MAG: variants seen among roughly 807,000 people sequenced by gnomAD.
MAG encodes myelin associated glycoprotein, also known as myelin-associated glycoprotein.
In MAG, 30 loss-of-function variants were observed where a neutral mutation model predicts 60.7. The observed-to-expected ratio is 0.49, with a 90% CI of 0.37 to 0.67. The LOEUF (loss-of-function observed/expected upper bound fraction) is 0.67, where lower values mean the gene tolerates loss of function less well. MAG is among the 30% of genes least tolerant of loss of function. The pLI, the probability that MAG is intolerant of heterozygous loss-of-function variation, is 0.00. For synonymous variants in MAG, 384 were observed against 376.8 expected, an observed-to-expected ratio of 1.02 and a Z score of -0.22; for missense variants, 795 against 851.7, an observed-to-expected ratio of 0.93 and a Z score of 0.83.
chr19:35,297,350 A>G (rs1445699319), intron 4 of MAG, among the ~76,000 whole-genome samples: 1 of 132,340 alleles, frequency 7.6e-6, no homozygotes, highest in African/African-American at 2.9e-5. Flanking sequence ...ACACTACAAA[A>G]ACCACACACC....
chr19:35,300,008 G>C, intron 5 of MAG, 139 bp from the exon 6 acceptor site: 1 of 1,224,218 alleles, frequency 8.2e-7, no homozygotes, highest in Non-Finnish European at 1.1e-6. Context: ...TGGGACGGGG[G>C]CGGAACCAGG....
chr19:35,302,811 G>A, intron 7 of MAG, 103 bp downstream of exon 7: 1 of 1,406,076 alleles, frequency 7.1e-7, no homozygotes, highest in South Asian at 1.3e-5. Flanking sequence ...GGCTTTGCCT[G>A]TCCTCCGCAG....
chr19:35,304,307 CT>C (rs2066468990), intron 7 of MAG, among the ~76,000 whole-genome samples: 1 of 152,094 alleles, frequency 6.6e-6, no homozygotes, highest in African/African-American at 2.4e-5. Context: ...TGGTTGTCCC[CT>C]GATCCCTGTT....
At position 35,309,868 on chromosome 19, in the gene MAG, C is replaced by G. The variant is rs747473826; in HGVS notation, c.1232-6C>G. ...GCCACCCTCAGACCTGATTTTGCCC[C>G]TGCAGTCGCCCCTGTGCTCCTCCTG... On this transcript the variant is annotated splice_polypyrimidine_tract_variant and splice_region_variant and intron_variant, in intron 7 of 10. Transcript: ENST00000392213. 1 of 1,603,836 alleles carries G rather than the reference C, an allele frequency of 6.2e-7. No homozygotes were observed. Among genetic ancestry groups the G allele is most frequent in the African/African-American group, 1.3e-5 (1 of 74,828 alleles).
chr19:35,313,479 C>A lies in MAG; in HGVS notation c.*25C>A. 6.3e-7 allele frequency: 1 copy of A among 1,596,522 alleles called. No individual in the cohort carries two copies. The highest frequency in any genetic ancestry group is 8.5e-7 in the Non-Finnish European group (1 of 1,172,264). ...AAGGAGCTGGGGGCAGCCTGCGTGGCTGACCCCCCTCAGGACCCTCGCTGG... is the reference window on the plus strand; with the variant it reads ...AAGGAGCTGGGGGCAGCCTGCGTGGATGACCCCCCTCAGGACCCTCGCTGG... On this transcript the variant is annotated 3_prime_UTR_variant, in exon 11 of 11. Transcript: ENST00000392213.
chr19:35,296,018 G>A (rs1209798076), intron 4 of MAG, 37 bp downstream of exon 4: 2 of 1,526,828 alleles, frequency 1.3e-6, no homozygotes, highest in South Asian at 1.3e-5. Context: ...CCGGGAGCTG[G>A]GGCAGCGGGG....
Position 35,299,564 on chromosome 19 carries a change from C to T in MAG, c.426C>T (p.Asn142=). ...CCCCGCCTCGTATAGACACCCCCAA[C>T]ATCGTGGTGCCCCCAGAGGTGGTGG... is the stretch of plus-strand genomic sequence containing the variant. ...HSVLDIVNTP[N]IVVPPEVVAG... The change falls in exon 5 of 11, where the codon AAC becomes AAT. Residue 142 remains asparagine (N), a synonymous_variant. Coordinates refer to ENST00000392213, the MANE Select transcript of MAG (RefSeq NM_002361.4). 1.3e-6 allele frequency: 2 copies of T among 1,591,138 alleles called. No individual in the cohort carries two copies. The highest frequency in any genetic ancestry group is 1.7e-6 in the Non-Finnish European group (2 of 1,163,490).
At chr19:35,309,132 G>T (rs1447223776) in intron 7 of MAG, among the ~76,000 whole-genome samples, 1 of 152,168 alleles carries the variant, frequency 6.6e-6, no homozygotes, top group African/African-American at 2.4e-5. Flanking sequence ...GCCCGTCCCT[G>T]TGACATAGTG....
intron 6 of MAG, among the ~76,000 whole-genome samples, chr19:35,300,643 G>A (rs2066442308): frequency 6.6e-6 from 1 of 152,210 alleles, no homozygotes; most frequent in Non-Finnish European, 1.5e-5. Flanking sequence ...TGCCTCCTAG[G>A]GAAGCCTGTT....
At chr19:35,311,875 G>A in intron 9 of MAG, 43 bp from the exon 10 acceptor site, 1 of 1,426,850 alleles carries the variant, frequency 7.0e-7, no homozygotes, top group Non-Finnish European at 9.8e-7. Context: ...TGGGGGTGCA[G>A]AAAGGGAGGG....
At position 35,310,135 on chromosome 19, in the gene MAG, G is replaced by A; in HGVS notation, c.1493G>A (p.Ser498Asn). The A allele has an allele frequency of 3.1e-6, 5 of 1,608,356 alleles. No individual in the cohort carries two copies. Among genetic ancestry groups the A allele is most frequent in the South Asian group, 2.2e-5 (2 of 90,924 alleles). Residue 498 changes from serine (S) to asparagine (N), a missense_variant, in exon 8 of 11, where the codon AGC becomes AAC. Coordinates refer to ENST00000392213, the MANE Select transcript of MAG (RefSeq NM_002361.4). Reference protein sequence around the residue: ...CTARNLYGAKSLELPFQGAHR... With the variant: ...CTARNLYGAKNLELPFQGAHR... ...GCGAGGAACCTCTATGGCGCCAAGA[G>A]CCTGGAGCTGCCCTTCCAGGGAGCC...
chr19:35,298,971 ATAC>A (rs892638342), intron 4 of MAG, among the ~76,000 whole-genome samples: 1 of 150,738 alleles, frequency 6.6e-6, no homozygotes, highest in African/African-American at 2.4e-5. Flanking sequence ...CACTACACAC[ATAC>A]ATCACAAACA....
chr19:35,296,702 G>A (rs1480873148), intron 4 of MAG, among the ~76,000 whole-genome samples: 1 of 151,630 alleles, frequency 6.6e-6, no homozygotes. Flanking sequence ...CCCTATGAGA[G>A]AGCCGGGTTC....
intron 10 of MAG, 74 bp from the exon 11 acceptor site, chr19:35,313,216 T>C: frequency 6.7e-7 from 1 of 1,482,942 alleles, no homozygotes; most frequent in Non-Finnish European, 9.0e-7. Context: ...GCTCTGAGGG[T>C]GCAAACGCTC....
At chr19:35,305,762 C>G (rs1416969706) in intron 7 of MAG, among the ~76,000 whole-genome samples, 1 of 152,202 alleles carries the variant, frequency 6.6e-6, no homozygotes, top group African/African-American at 2.4e-5. Context: ...CGAGACCAGC[C>G]TGACCAACCT....
intron 10 of MAG, 120 bp from the exon 11 acceptor site, chr19:35,313,170 G>T: frequency 9.1e-7 from 1 of 1,099,426 alleles, no homozygotes; most frequent in Non-Finnish European, 1.2e-6. Flanking sequence ...GAGAAAGGAG[G>T]TTCTCGCAGG....
Position 35,302,727 on chromosome 19 carries a change from C to G in MAG, c.1231+19C>G. 1.2e-6 allele frequency: 2 copies of G among 1,609,494 alleles called. No individual in the cohort carries two copies. Among genetic ancestry groups the G allele is most frequent in the South Asian group, 2.2e-5 (2 of 91,054 alleles). On this transcript the variant is annotated intron_variant, in intron 7 of 10. Transcript: ENST00000392213. ...GTGGAGTGTGAGTACCTTCCGCTCCCCTATGCTGGGGATGGACGGTTCCGT... is the reference window on the plus strand; with the variant it reads ...GTGGAGTGTGAGTACCTTCCGCTCCGCTATGCTGGGGATGGACGGTTCCGT...
At chr19:35,312,435 T>C in intron 10 of MAG, 1 of 1,012,900 alleles carries the variant, frequency 9.9e-7, no homozygotes, top group Non-Finnish European at 1.5e-6. Context: ...TCTGGTGATG[T>C]CCGGGCCTGC....
rs566090289 is a variant in MAG, at chr19:35,313,168, A to G, written c.1717-122A>G. 30 of 1,045,492 alleles carry G rather than the reference A, an allele frequency of 2.9e-5. No individual in the cohort carries two copies. The African/African-American group carries it at 4.6e-4, about 16-fold the overall frequency. 64.8% of individuals were successfully genotyped at this position (1,045,492 alleles called of 1,614,324 possible). A position where few individuals can be genotyped will look rare whatever the true frequency, so the allele number is the denominator to read the frequency against. On this transcript the variant is annotated intron_variant, in intron 10 of 10. Transcript: ENST00000392213. ...CTGGGCCTGCGGTCCTTGAGAAAGGAGGTTCTCGCAGGGATTTATTTGGGA... is the reference window on the plus strand; with the variant it reads ...CTGGGCCTGCGGTCCTTGAGAAAGGGGGTTCTCGCAGGGATTTATTTGGGA...
Sources: gnomAD v4.1 joint callset for allele counts (sites outside exome capture counted in the v4.1 genomes callset) on GRCh38, gnomAD v4.1.1 for gene constraint, MANE v1.5 for transcripts, NCBI Gene and HGNC (gene_info 2026-07-23, HGNC 2026-07-21) for gene names.